The following PRMT8 variants were observed in gnomAD, a reference collection of about 807,000 sequenced individuals.
PRMT8 encodes protein arginine methyltransferase 8, also known as protein arginine N-methyltransferase 8.
A neutral mutation model predicts 47.1 loss-of-function variants in PRMT8; 7 were observed. The ratio of observed to expected loss-of-function variants is 0.15; its 90% CI spans 0.08 to 0.28. The LOEUF is 0.28. PRMT8 is among the 10% of genes least tolerant of loss of function. PRMT8 has a pLI of 1.00. For missense variants in PRMT8, 237 were observed against 505.4 expected (o/e 0.47, Z 5.09); for synonymous variants, 188 against 186.5 (o/e 1.01, Z -0.07).
In PRMT8 at chr12:3,567,160, A is replaced by G. The variant is rs113613923; in HGVS notation, c.482-1546A>G. Among the ~76,000 whole-genome samples, 833 of 152,320 alleles carry G rather than the reference A, an allele frequency of 5.5e-3. 7 individuals carry two copies. Among genetic ancestry groups the G allele is most frequent in the African/African-American group, 0.018 (757 of 41,572 alleles). Reference sequence around the variant, plus strand: ...TCAACAAGCAGGAATATGTCAGATAATGTCCACCTTCTGTTGAGCTTTAGC... The same window carrying G: ...TCAACAAGCAGGAATATGTCAGATAGTGTCCACCTTCTGTTGAGCTTTAGC... On this transcript the variant is annotated intron_variant, in intron 4 of 9. Coordinates refer to ENST00000382622, the MANE Select transcript of PRMT8 (RefSeq NM_019854.5).
rs550705246 is a variant in PRMT8, at chr12:3,535,123, A to G, written c.76-5483A>G. Among the ~76,000 whole-genome samples the G allele has an allele frequency of 6.6e-6, 1 of 152,048 alleles. No homozygotes were observed. Among genetic ancestry groups the G allele is most frequent in the East Asian group, 1.9e-4 (1 of 5,160 alleles). On this transcript the variant is annotated intron_variant, in intron 1 of 9. Transcript: ENST00000382622. This position sits in a 1 kb window ranked among gnomAD's most constrained non-coding sequence, Gnocchi z 4.7. Reference sequence around the variant, plus strand: ...GTCAAACATGCTCCCCCAAATCCCCACCCCTGCTTGTGGAAATCCGACCCA... The same window carrying G: ...GTCAAACATGCTCCCCCAAATCCCCGCCCCTGCTTGTGGAAATCCGACCCA...
chr12:3,538,733 G>A lies in PRMT8; in HGVS notation c.76-1873G>A. 1 of 518,976 alleles carries A rather than the reference G, an allele frequency of 1.9e-6. No homozygotes were observed. Among genetic ancestry groups the A allele is most frequent in the South Asian group, 1.4e-5 (1 of 71,586 alleles). 32.1% of individuals were successfully genotyped at this position (518,976 alleles called of 1,614,324 possible). On this transcript the variant is annotated intron_variant, in intron 1 of 9. Transcript: ENST00000382622. The surrounding 1 kb of genome is among the most constrained non-coding windows in gnomAD (Gnocchi z 4.6). ...GTGATTCTGCAGCCTGCACAGGAGT[G>A]TGCACTTGACACAGTCTATTTTTAG...
chr12:3,461,734 G>GGGA, intron 1 of PRMT8, among the ~76,000 whole-genome samples: 2 of 150,244 alleles, frequency 1.3e-5, no homozygotes, highest in African/African-American at 5.1e-5. Context: ...TCTGCTCAGT[G>GGGA]TTAACCTAAA....
chr12:3,538,787 A>G lies in PRMT8; in HGVS notation c.76-1819A>G. On this transcript the variant is annotated intron_variant, in intron 1 of 9. Coordinates refer to ENST00000382622, the MANE Select transcript of PRMT8 (RefSeq NM_019854.5). The surrounding 1 kb of genome is among the most constrained non-coding windows in gnomAD (Gnocchi z 4.6). ...CCCAGAGACCGTGACCAACATCCCA[A>G]GCTGAGAGTGGGCACACCTGCTGCA... The G allele has an allele frequency of 3.9e-6, 2 of 516,690 alleles. No homozygotes were observed. The highest frequency in any genetic ancestry group is 3.8e-5 in the African/African-American group (2 of 52,036). The allele number at this position is 516,690 out of a possible 1,614,324, so 32.0% of individuals were successfully genotyped here.
chr12:3,525,627 C>T (rs972365443), intron 1 of PRMT8, among the ~76,000 whole-genome samples: 1 of 152,108 alleles, frequency 6.6e-6, no homozygotes, highest in African/African-American at 2.4e-5. Context: ...AGTGAAGAAA[C>T]CTCATGAGTG....
chr12:3,507,222 C>T (rs774592427), intron 1 of PRMT8, among the ~76,000 whole-genome samples: 2 of 150,752 alleles, frequency 1.3e-5, no homozygotes, highest in African/African-American at 2.4e-5. Flanking sequence ...CCCGGGTTCA[C>T]GCCATTCTCC....
At chr12:3,587,833 A>G (rs1024582969) in intron 8 of PRMT8, among the ~76,000 whole-genome samples, 6 of 152,226 alleles carry the variant, frequency 3.9e-5, no homozygotes. Context: ...AACACATCCC[A>G]TACCGCACAG....
At position 3,514,461 on chromosome 12, in the gene PRMT8, A is replaced by G. The variant is rs1865758823; in HGVS notation, c.75+22761A>G. On this transcript the variant is annotated intron_variant, in intron 1 of 9. Coordinates refer to ENST00000382622, the MANE Select transcript of PRMT8 (RefSeq NM_019854.5). The surrounding 1 kb of genome is among the most constrained non-coding windows in gnomAD (Gnocchi z 5.9). Reference sequence around the variant, plus strand: ...TCACCCAGGCCTGCAGAGCCTCTCCAAATCCATCCGTACTTCCACTGAAGA... The same window carrying G: ...TCACCCAGGCCTGCAGAGCCTCTCCGAATCCATCCGTACTTCCACTGAAGA... Among the ~76,000 whole-genome samples, 1 of 152,178 alleles carries G rather than the reference A, an allele frequency of 6.6e-6. No individual in the cohort carries two copies. The highest frequency in any genetic ancestry group is 2.4e-5 in the African/African-American group (1 of 41,444).
upstream of PRMT8, among the ~76,000 whole-genome samples, chr12:3,488,062 A>G (rs1377384244): frequency 6.6e-6 from 1 of 152,206 alleles, no homozygotes; most frequent in Non-Finnish European, 1.5e-5. Context: ...CTATGGAATC[A>G]GGTATCTTAG....
intron 1 of PRMT8, among the ~76,000 whole-genome samples, chr12:3,424,448 G>A (rs796362045): frequency 5.9e-5 from 9 of 152,006 alleles, no homozygotes; most frequent in South Asian, 2.1e-4. Flanking sequence ...ACTTATTTTC[G>A]GTCATATAGC....
At chr12:3,571,704 A>AC (rs947967276) in intron 6 of PRMT8, among the ~76,000 whole-genome samples, 12 of 152,122 alleles carry the variant, frequency 7.9e-5, no homozygotes, top group African/African-American at 2.9e-4. Flanking sequence ...CCTCCTCCCC[A>AC]CCCCAAAAGA....
intron 1 of PRMT8, among the ~76,000 whole-genome samples, chr12:3,421,899 C>T (rs74727813): frequency 0.096 from 14,661 of 152,280 alleles, 813 homozygotes; most frequent in South Asian, 0.21. Flanking sequence ...TCTGCTGCTG[C>T]AGGGAAACTC....
At chr12:3,472,595 G>C (rs1333525610) in intron 1 of PRMT8, among the ~76,000 whole-genome samples, 1 of 152,174 alleles carries the variant, frequency 6.6e-6, no homozygotes, top group Non-Finnish European at 1.5e-5. Context: ...AGTTCTTTGG[G>C]AAGTCCAAGT....
intron 1 of PRMT8, among the ~76,000 whole-genome samples, chr12:3,442,852 T>C (rs1265841701): frequency 6.6e-6 from 1 of 152,074 alleles, no homozygotes; most frequent in Non-Finnish European, 1.5e-5. Context: ...AGAGATGGGG[T>C]TTCACTATGT....
chr12:3,512,294 G>A lies in PRMT8; in HGVS notation c.75+20594G>A, dbSNP rs187604473. ...GCTTTCCTGTGGATTCTTCTTTCTC[G>A]CCCAGGGATGTTGCCTCCAGCCTAC... On this transcript the variant is annotated intron_variant, in intron 1 of 9. Transcript: ENST00000382622. Among the ~76,000 whole-genome samples, 186 of 152,078 alleles carry A rather than the reference G, an allele frequency of 1.2e-3. 1 individual carries two copies. The highest frequency in any genetic ancestry group is 4.3e-3 in the African/African-American group (177 of 41,466).
intron 1 of PRMT8, among the ~76,000 whole-genome samples, chr12:3,462,200 A>G (rs1272001092): frequency 6.6e-6 from 1 of 152,056 alleles, no homozygotes; most frequent in Non-Finnish European, 1.5e-5. Context: ...AGCTCCATCC[A>G]TGCTCCTGCA....
intron 1 of PRMT8, among the ~76,000 whole-genome samples, chr12:3,466,217 T>C: frequency 6.6e-6 from 1 of 152,226 alleles, no homozygotes; most frequent in African/African-American, 2.4e-5. Context: ...TCTCTGGATC[T>C]GTAAACTGAG....
intron 1 of PRMT8, 124 bp downstream of exon 1, chr12:3,491,824 G>A: frequency 9.1e-7 from 1 of 1,102,934 alleles, no homozygotes; most frequent in Non-Finnish European, 1.2e-6. Context: ...GCTTCTGCCG[G>A]CCTCCTCCTG....
At chr12:3,447,628 C>T (rs1350135139) in intron 1 of PRMT8, among the ~76,000 whole-genome samples, 1 of 152,136 alleles carries the variant, frequency 6.6e-6, no homozygotes, top group East Asian at 1.9e-4. Flanking sequence ...CCTCCTGTAC[C>T]CGTGCATCCA....
Sources: gnomAD v4.1 joint callset for allele counts (sites outside exome capture counted in the v4.1 genomes callset) on GRCh38, gnomAD v4.1.1 for gene constraint, Gnocchi (gnomAD v3.1) non-coding constraint, MANE v1.5 for transcripts, NCBI Gene and HGNC (gene_info 2026-07-23, HGNC 2026-07-21) for gene names.